Variants in CACNA2D1 observed in about 807,000 individuals in gnomAD.
CACNA2D1 encodes voltage-dependent calcium channel subunit alpha-2/delta-1.
CACNA2D1 carries 53 observed loss-of-function variants against 171.5 expected under a neutral mutation model. The observed-to-expected ratio is 0.31, with a 90% CI of 0.25 to 0.39. CACNA2D1 has a LOEUF of 0.39. CACNA2D1 is among the 10% of genes least tolerant of loss of function. The probability of loss-of-function intolerance (pLI) is 1.00; values close to 1 mark genes in which losing one functional copy is unlikely to be tolerated. For missense variants in CACNA2D1, 903 were observed against 1,299.8 expected, an observed-to-expected ratio of 0.69 and a Z score of 4.69; for synonymous variants, 442 against 443.1, an observed-to-expected ratio of 1.00 and a Z score of 0.03.
At chr7:82,086,775 T>C (rs962487696) in intron 6 of CACNA2D1, among the ~76,000 whole-genome samples, 3 of 152,142 alleles carry the variant, frequency 2.0e-5, no homozygotes, top group East Asian at 1.9e-4. Flanking sequence ...TCTAGTTATT[T>C]TTAATAAAGT....
intron 1 of CACNA2D1, among the ~76,000 whole-genome samples, chr7:82,386,258 T>G (rs147669934): frequency 6.6e-6 from 1 of 152,296 alleles, no homozygotes; most frequent in East Asian, 1.9e-4. Context: ...ATCAGGCAGA[T>G]TCTCAACTCT....
intron 24 of CACNA2D1, among the ~76,000 whole-genome samples, chr7:81,979,431 G>A (rs1287563879): frequency 6.6e-6 from 1 of 152,108 alleles, no homozygotes; most frequent in African/African-American, 2.4e-5. Context: ...CTTTCTCTAT[G>A]TATCTGGATT....
At chr7:81,986,681 A>G (rs1215245703) in intron 21 of CACNA2D1, among the ~76,000 whole-genome samples, 1 of 152,206 alleles carries the variant, frequency 6.6e-6, no homozygotes, top group Non-Finnish European at 1.5e-5. Context: ...TAAGTAATTC[A>G]TAGACTTTCC....
chr7:82,372,468 G>C (rs1181640578), intron 1 of CACNA2D1, among the ~76,000 whole-genome samples: 1 of 152,064 alleles, frequency 6.6e-6, no homozygotes, highest in Non-Finnish European at 1.5e-5. Flanking sequence ...AAATAAGTAT[G>C]AGATTCCTCA....
chr7:82,169,624 CA>C (rs1563150155), intron 4 of CACNA2D1, among the ~76,000 whole-genome samples: 1 of 151,958 alleles, frequency 6.6e-6, no homozygotes, highest in Non-Finnish European at 1.5e-5. Flanking sequence ...TCTACTGAAG[CA>C]CAACTACATA....
At chr7:82,013,059 A>G (rs1361237421) in intron 14 of CACNA2D1, among the ~76,000 whole-genome samples, 1 of 152,038 alleles carries the variant, frequency 6.6e-6, no homozygotes, top group Non-Finnish European at 1.5e-5. Context: ...TTAAGTTCCA[A>G]CTAGGTCCCT....
Position 82,038,288 on chromosome 7 carries a change from A to C in CACNA2D1, c.880-53T>G, listed in dbSNP as rs1374789368. The C allele has an allele frequency of 2.0e-6, 3 of 1,492,488 alleles. No individual in the cohort carries two copies. In the African/African-American group the frequency reaches 4.2e-5, roughly 21 times the overall value. 92.5% of individuals were successfully genotyped at this position (1,492,488 alleles called of 1,614,324 possible). ...AAATGAACATTAAAATCAACCATAT[A>C]GTTTTCATAGAATTTGTGTTTGATA... On this transcript the variant is annotated intron_variant, in intron 10 of 38. Coordinates refer to ENST00000356860, the MANE Select transcript of CACNA2D1 (RefSeq NM_000722.4).
chr7:81,954,195 C>T (rs375596193), intron 38 of CACNA2D1, among the ~76,000 whole-genome samples: 1 of 151,772 alleles, frequency 6.6e-6, no homozygotes, highest in East Asian at 1.9e-4. Flanking sequence ...GACACCATGA[C>T]CAGATATAAT....
chr7:82,231,029 T>A (rs773700599), intron 3 of CACNA2D1, among the ~76,000 whole-genome samples: 2 of 152,220 alleles, frequency 1.3e-5, no homozygotes, highest in Non-Finnish European at 2.9e-5. Context: ...AAAAGCCATG[T>A]CAGCAAATGT....
chr7:82,023,109 GTT>G (rs1801445478), intron 12 of CACNA2D1, among the ~76,000 whole-genome samples: 2 of 151,752 alleles, frequency 1.3e-5, no homozygotes, highest in Non-Finnish European at 2.9e-5. Flanking sequence ...TCTGTGTCTG[GTT>G]TTACTTTCCT....
intron 6 of CACNA2D1, among the ~76,000 whole-genome samples, chr7:82,115,279 T>C (rs968283248): frequency 1.3e-5 from 2 of 152,064 alleles, no homozygotes; most frequent in African/African-American, 4.8e-5. Flanking sequence ...GTGGAAAATA[T>C]ATTATTCAAA....
At chr7:82,257,156 G>T (rs888795668) in intron 3 of CACNA2D1, among the ~76,000 whole-genome samples, 5 of 152,146 alleles carry the variant, frequency 3.3e-5, no homozygotes, top group Admixed American at 2.0e-4. Flanking sequence ...TAAAGTTTCT[G>T]TGAGTTTCAG....
intron 26 of CACNA2D1, chr7:81,971,017 G>T: frequency 2.5e-6 from 1 of 403,108 alleles, no homozygotes; most frequent in Non-Finnish European, 4.6e-6. Context: ...TTGTAGAGAG[G>T]AATGTATACA....
At chr7:82,075,563 T>G (rs565098026) in intron 7 of CACNA2D1, among the ~76,000 whole-genome samples, 1 of 152,310 alleles carries the variant, frequency 6.6e-6, no homozygotes, top group African/African-American at 2.4e-5. Flanking sequence ...ATGTTTCTTA[T>G]TTTTGTAAGC....
intron 6 of CACNA2D1, among the ~76,000 whole-genome samples, chr7:82,102,436 G>A (rs1356162786): frequency 7.6e-6 from 1 of 130,768 alleles, no homozygotes; most frequent in Admixed American, 7.8e-5. Context: ...TACCATATTT[G>A]TTGTGTGTAT....
chr7:82,051,027 C>A (rs1194064438), intron 10 of CACNA2D1: 1 of 188,510 alleles, frequency 5.3e-6, no homozygotes, highest in Non-Finnish European at 1.1e-5. Flanking sequence ...ACTGTCCATG[C>A]AGGGATAACG....
intron 3 of CACNA2D1, among the ~76,000 whole-genome samples, chr7:82,212,519 T>C (rs1186945526): frequency 1.3e-5 from 2 of 152,208 alleles, no homozygotes; most frequent in African/African-American, 2.4e-5. Context: ...CATAAGCCTA[T>C]AGTTACTATG....
intron 3 of CACNA2D1, among the ~76,000 whole-genome samples, chr7:82,195,521 G>T (rs906928608): frequency 1.3e-5 from 2 of 151,852 alleles, no homozygotes; most frequent in Non-Finnish European, 2.9e-5. Flanking sequence ...TATTAGAACT[G>T]GATTTTTGTT....
chr7:82,291,641 G>T (rs1208367170), intron 3 of CACNA2D1, among the ~76,000 whole-genome samples: 10 of 139,246 alleles, frequency 7.2e-5, no homozygotes, highest in African/African-American at 2.7e-4. Context: ...CTATCTGTGT[G>T]TGTGTGTGCA....
Sources: allele counts gnomAD v4.1 joint callset (sites outside exome capture counted in the v4.1 genomes callset), GRCh38; gene constraint gnomAD v4.1.1; transcripts MANE v1.5; gene names NCBI Gene and HGNC (gene_info 2026-07-23, HGNC 2026-07-21).